Variants in GPR160 observed in about 807,000 individuals in gnomAD.
The protein encoded by GPR160 is probable G protein-coupled receptor 160.
GPR160 carries 2 observed loss-of-function variants against 2.6 expected under a neutral mutation model. That is an observed-to-expected ratio of 0.77 (90% CI 0.32 to 2.44). GPR160 has a LOEUF of 2.44. Ranked by LOEUF, GPR160 falls within the 30% of genes most tolerant of loss-of-function variation. The pLI is 0.11. For missense variants in GPR160, 351 were observed against 383.6 expected, an observed-to-expected ratio of 0.91 and a Z score of 0.71; for synonymous variants, 130 against 132.2, an observed-to-expected ratio of 0.98 and a Z score of 0.12.
At chr3:170,075,118 C>A (rs1257248076) in intron 2 of GPR160, among the ~76,000 whole-genome samples, 1 of 152,102 alleles carries the variant, frequency 6.6e-6, no homozygotes, top group Non-Finnish European at 1.5e-5. Context: ...ATCCCTGCTA[C>A]TTAGCAGGCT....
chr3:170,056,101 C>T (rs1043436881), intron 2 of GPR160, among the ~76,000 whole-genome samples: 1 of 152,162 alleles, frequency 6.6e-6, no homozygotes, highest in African/African-American at 2.4e-5. Context: ...GTTCTTAAAA[C>T]TCAGTACCTG....
chr3:170,046,229 A>G (rs1389812551), intron 2 of GPR160, among the ~76,000 whole-genome samples: 1 of 152,180 alleles, frequency 6.6e-6, no homozygotes, highest in Non-Finnish European at 1.5e-5. Flanking sequence ...GACAAATGCT[A>G]ACAGGGTGTT....
chr3:170,084,809 G>A lies in GPR160; in HGVS notation c.837G>A (p.Trp279Ter). The A allele has an allele frequency of 6.2e-7, 1 of 1,607,668 alleles. No homozygotes were observed. The highest frequency in any genetic ancestry group is 8.5e-7 in the Non-Finnish European group (1 of 1,174,972). The change falls in exon 4 of 4, where the codon TGG (tryptophan) becomes TGA (stop). Residue 279 changes from tryptophan (W) to a stop codon, truncating the protein, a stop_gained. Transcript: ENST00000355897. LOFTEE classifies it high-confidence loss of function. ...IPAYIEMNIPWLYFVNSFLIA... is the reference protein window; with the variant it reads ...IPAYIEMNIP Reference sequence around the variant, plus strand: ...CATATATTGAGATGAATATTCCCTGGTTATACTTTGTCAATAGTTTTCTCA... The same window carrying A: ...CATATATTGAGATGAATATTCCCTGATTATACTTTGTCAATAGTTTTCTCA...
chr3:170,081,601 C>T (rs1713130373), intron 3 of GPR160, among the ~76,000 whole-genome samples: 1 of 152,098 alleles, frequency 6.6e-6, no homozygotes, highest in Non-Finnish European at 1.5e-5. Flanking sequence ...ATTTTAGGTT[C>T]AGGGGTACAT....
At chr3:170,048,309 G>A (rs1716816174) in intron 2 of GPR160, among the ~76,000 whole-genome samples, 2 of 152,056 alleles carry the variant, frequency 1.3e-5, no homozygotes, top group Non-Finnish European at 2.9e-5. Context: ...AACCTATTAG[G>A]TACAATGTAC....
At chr3:170,062,666 G>A (rs1712028320) in intron 2 of GPR160, 1 of 1,442,836 alleles carries the variant, frequency 6.9e-7, no homozygotes, top group Admixed American at 1.8e-5. Flanking sequence ...CGCCAAGCAA[G>A]CCTTGAAATA....
intron 2 of GPR160, among the ~76,000 whole-genome samples, chr3:170,072,786 A>T (rs1379692178): frequency 6.6e-6 from 1 of 151,778 alleles, no homozygotes; most frequent in African/African-American, 2.4e-5. Flanking sequence ...TGACCCAAAC[A>T]CCTCCCACTA....
chr3:170,043,701 G>C (rs146296569), intron 2 of GPR160, among the ~76,000 whole-genome samples: 67 of 152,172 alleles, frequency 4.4e-4, no homozygotes, highest in African/African-American at 1.6e-3. Flanking sequence ...GGTAGTCTAG[G>C]CAAACTATCT....
intron 2 of GPR160, chr3:170,077,246 G>C (rs1176397343): frequency 3.3e-5 from 5 of 152,030 alleles, no homozygotes; most frequent in Non-Finnish European, 7.4e-5. Flanking sequence ...TAACGCACAT[G>C]GTTTTTTTAA....
At chr3:170,067,595 G>T (rs1374227405) in intron 2 of GPR160, among the ~76,000 whole-genome samples, 1 of 151,992 alleles carries the variant, frequency 6.6e-6, no homozygotes, top group Non-Finnish European at 1.5e-5. Flanking sequence ...TAAAGAGCAG[G>T]AACTTTGCTC....
Position 170,071,868 on chromosome 3 carries a change from C to A in GPR160, c.-192-7906C>A, listed in dbSNP as rs1367280553. Among the ~76,000 whole-genome samples the A allele has an allele frequency of 2.0e-5, 3 of 152,046 alleles. No individual in the cohort carries two copies. In the East Asian group the frequency reaches 5.8e-4, roughly 29 times the overall value. On this transcript the variant is annotated intron_variant, in intron 2 of 3. Coordinates refer to ENST00000355897, the MANE Select transcript of GPR160 (RefSeq NM_014373.3). Reference sequence around the variant, plus strand: ...TTCTGTATAGCAACAGAAGAATGGCCTAACATAACATGTTTTTGAGGCTTT... The same window carrying A: ...TTCTGTATAGCAACAGAAGAATGGCATAACATAACATGTTTTTGAGGCTTT...
At chr3:170,069,282 T>A (rs1395469226) in intron 2 of GPR160, among the ~76,000 whole-genome samples, 1 of 152,222 alleles carries the variant, frequency 6.6e-6, no homozygotes, top group East Asian at 1.9e-4. Context: ...CATCTTTGCA[T>A]CCCTTTCTGA....
At position 170,045,408 on chromosome 3, in the gene GPR160, C is replaced by CAAAAAAAAAAAAAAAAAAAAAAAA. The variant is rs368019452; in HGVS notation, c.-193+6381_-193+6404dup. ...TGAAACCCTGTCTCTACTAAAAATA[C>CAAAAAAAAAAAAAAAAAAAAAAAA]AAAAAAAAAAAAAAAAAAAAAAAAA... is the stretch of plus-strand genomic sequence containing the variant. On this transcript the variant is annotated intron_variant, in intron 2 of 3. Coordinates refer to ENST00000355897, the MANE Select transcript of GPR160 (RefSeq NM_014373.3). Among the ~76,000 whole-genome samples, 9 of 33,660 alleles carry CAAAAAAAAAAAAAAAAAAAAAAAA rather than the reference C, an allele frequency of 2.7e-4. 2 individuals are homozygous for CAAAAAAAAAAAAAAAAAAAAAAAA. The highest frequency in any genetic ancestry group is 4.4e-4 in the Non-Finnish European group (8 of 18,162). 22.1% of individuals were successfully genotyped at this position (33,660 alleles called of 152,430 possible). A position where few individuals can be genotyped will look rare whatever the true frequency, so the allele number is the denominator to read the frequency against.
chr3:170,064,109 A>G (rs866661654), intron 2 of GPR160, among the ~76,000 whole-genome samples: 7 of 152,070 alleles, frequency 4.6e-5, no homozygotes, highest in Admixed American at 2.0e-4. Context: ...TGGGGGGGGC[A>G]TTGCTTTTGT....
intron 3 of GPR160, among the ~76,000 whole-genome samples, chr3:170,082,764 T>TC (rs1330067188): frequency 6.9e-6 from 1 of 145,110 alleles, no homozygotes; most frequent in Non-Finnish European, 1.5e-5. Context: ...CCCAGGTAAT[T>TC]TTTTTTTTTT....
Position 170,038,320 on chromosome 3 carries a change from C to T in GPR160, c.-322+105C>T, listed in dbSNP as rs573660745. The T allele has an allele frequency of 9.9e-5, 15 of 152,206 alleles. No individual in the cohort carries two copies. Among genetic ancestry groups the T allele is most frequent in the African/African-American group, 3.6e-4 (15 of 41,544 alleles). 9.4% of individuals were successfully genotyped at this position (152,206 alleles called of 1,614,324 possible). On this transcript the variant is annotated intron_variant, in intron 1 of 3. Transcript: ENST00000355897. This position sits in a 1 kb window ranked among gnomAD's most constrained non-coding sequence, Gnocchi z 5.3. The stretch of plus-strand genomic sequence containing the variant: ...GCCGCTCCCAGCCTCCCTGGCCGGG[C>T]GTTCAGCGCGCCTGGGAGGGGAAGG...
Position 170,038,981 on chromosome 3 carries a change from G to A in GPR160, c.-255G>A, listed in dbSNP as rs1290484620. On this transcript the variant is annotated 5_prime_UTR_variant, in exon 2 of 4. Transcript: ENST00000355897. This position sits in a 1 kb window ranked among gnomAD's most constrained non-coding sequence, Gnocchi z 5.3. The stretch of plus-strand genomic sequence containing the variant: ...AGACGAACGCACGGACCGGGCCTCC[G>A]GAGGCAGGTTCGGCTGGAAGGAACC... The A allele has an allele frequency of 6.6e-6, 1 of 151,962 alleles. No individual in the cohort carries two copies. Among genetic ancestry groups the A allele is most frequent in the Non-Finnish European group, 1.5e-5 (1 of 68,000 alleles). The allele number at this position is 151,962 out of a possible 1,614,324, so 9.4% of individuals were successfully genotyped here. A position where few individuals can be genotyped will look rare whatever the true frequency, so the allele number is the denominator to read the frequency against.
chr3:170,084,725 C>T lies in GPR160; in HGVS notation c.753C>T (p.Thr251=), dbSNP rs1576919876. The change falls in exon 4 of 4, where the codon ACC becomes ACT. Residue 251 remains threonine (T), a synonymous_variant. Coordinates refer to ENST00000355897, the MANE Select transcript of GPR160 (RefSeq NM_014373.3). ...AGCTCATTGTCTGTTTTCTCAGTAC[C>T]TGGTTACCATTTGTACTACTTCAGG... ...LSKLIVCFLS[T]WLPFVLLQVI... is the part of the protein sequence containing the mutation. The T allele has an allele frequency of 1.9e-6, 3 of 1,611,546 alleles. No homozygotes were observed. Among genetic ancestry groups the T allele is most frequent in the Non-Finnish European group, 2.5e-6 (3 of 1,178,004 alleles).
chr3:170,071,319 T>C (rs1712582288), intron 2 of GPR160, among the ~76,000 whole-genome samples: 1 of 152,144 alleles, frequency 6.6e-6, no homozygotes, highest in Non-Finnish European at 1.5e-5. Context: ...ACGCAAGAGC[T>C]GGTCATTTAA....
Sources: gnomAD v4.1 joint callset for allele counts (sites outside exome capture counted in the v4.1 genomes callset) on GRCh38, gnomAD v4.1.1 for gene constraint, Gnocchi (gnomAD v3.1) non-coding constraint, MANE v1.5 for transcripts, NCBI Gene and HGNC (gene_info 2026-07-23, HGNC 2026-07-21) for gene names.